The following DSTYK variants were observed in gnomAD, a reference collection of about 807,000 sequenced individuals.
The protein encoded by DSTYK is RIP-homologous kinase.
In DSTYK, 34 loss-of-function variants were observed where a neutral mutation model predicts 98.7. The observed-to-expected ratio is 0.34, with a 90% CI of 0.26 to 0.46. The LOEUF (loss-of-function observed/expected upper bound fraction) is 0.46. DSTYK is among the 20% of genes least tolerant of loss of function. DSTYK has a pLI of 1.00. For missense variants in DSTYK, 962 were observed against 1,181.7 expected (o/e 0.81, Z 2.73); for synonymous variants, 462 against 457.3 (o/e 1.01, Z -0.13).
chr1:205,175,444 C>G (rs1025791906), intron 2 of DSTYK, among the ~76,000 whole-genome samples: 8 of 152,164 alleles, frequency 5.3e-5, no homozygotes, highest in East Asian at 3.9e-4. Context: ...GGATAGAAAA[C>G]AGGTATCATG....
rs1182429200 is a variant in DSTYK at position 205,150,644 on chromosome 1, C to A, written c.2467+36G>T. On this transcript the variant is annotated intron_variant, in intron 11 of 12. Coordinates refer to ENST00000367162, the MANE Select transcript of DSTYK (RefSeq NM_015375.3). The surrounding 1 kb of genome is among the most constrained non-coding windows in gnomAD (Gnocchi z 4.1). ...TAGCACTCAGGATTAAAGTAGTACG[C>A]CCTGCCCAGACCCACTGCCTGCCCT... is the stretch of plus-strand genomic sequence containing the variant. The A allele has an allele frequency of 6.5e-7, 1 of 1,528,952 alleles. No homozygotes were observed. The highest frequency in any genetic ancestry group is 9.1e-7 in the Non-Finnish European group (1 of 1,104,792). The allele number at this position is 1,528,952 out of a possible 1,614,324, so 94.7% of individuals were successfully genotyped here.
chr1:205,159,689 A>G lies in DSTYK; in HGVS notation c.2106-10T>C. The stretch of plus-strand genomic sequence containing the variant: ...ATGCTTCGGCAGAGACCTGGAGGGA[A>G]GGAGAGAGATCTGGGCTACAAGGCT... On this transcript the variant is annotated splice_polypyrimidine_tract_variant and intron_variant, in intron 8 of 12. Coordinates refer to ENST00000367162, the MANE Select transcript of DSTYK (RefSeq NM_015375.3). 6.2e-7 allele frequency: 1 copy of G among 1,612,760 alleles called. No individual in the cohort carries two copies. The highest frequency in any genetic ancestry group is 1.3e-5 in the African/African-American group (1 of 75,002).
chr1:205,163,605 C>T (rs1033362211), intron 4 of DSTYK, 118 bp downstream of exon 4: 46 of 869,468 alleles, frequency 5.3e-5, no homozygotes, highest in Non-Finnish European at 7.5e-5. Context: ...AAATAAAATT[C>T]AAACAAGATT....
At position 205,150,729 on chromosome 1, in the gene DSTYK, T is replaced by A. The variant is rs775389974; in HGVS notation, c.2418A>T (p.Ser806=). The A allele has an allele frequency of 1.2e-6, 2 of 1,614,112 alleles. No homozygotes were observed. The highest frequency in any genetic ancestry group is 2.2e-5 in the South Asian group (2 of 91,078). Residue 806 remains serine, a synonymous_variant, in exon 11 of 13, where the codon TCA becomes TCT. Transcript: ENST00000367162. The surrounding 1 kb of genome is among the most constrained non-coding windows in gnomAD (Gnocchi z 4.1). The part of the protein sequence containing the change: ...LGFCKPEAMM[S]GSIVGTPIHM... ...GGATTGGTGTCCCCACAATGCTGCC[T>A]GACATCATGGCCTCTGGCTTGCAGA...
intron 10 of DSTYK, among the ~76,000 whole-genome samples, chr1:205,156,964 G>T (rs181177356): frequency 6.6e-6 from 1 of 152,162 alleles, no homozygotes; most frequent in African/African-American, 2.4e-5. Context: ...TTTTGTAAGG[G>T]GCTTTACCCC....
chr1:205,162,729 A>G (rs1189962303), intron 5 of DSTYK, among the ~76,000 whole-genome samples, 194 bp downstream of exon 5: 4 of 152,240 alleles, frequency 2.6e-5, no homozygotes, highest in African/African-American at 9.6e-5. Context: ...AAAACTTCTG[A>G]GAGTTCAAGG....
chr1:205,157,451 A>G lies in DSTYK; in HGVS notation c.2239-65T>C. 3 of 1,288,902 alleles carry G rather than the reference A, an allele frequency of 2.3e-6. No homozygotes were observed. In the East Asian group the frequency reaches 7.0e-5, roughly 30 times the overall value. 79.8% of individuals were successfully genotyped at this position (1,288,902 alleles called of 1,614,324 possible). ...ACTCCTCAATTCAACTGACTATACT[A>G]GGGCACATGAGGACAGAAAAGTGAT... On this transcript the variant is annotated intron_variant, in intron 9 of 12. Coordinates refer to ENST00000367162, the MANE Select transcript of DSTYK (RefSeq NM_015375.3).
Position 205,181,860 on chromosome 1 carries a change from G to C in DSTYK, c.654+5558C>G, listed in dbSNP as rs182184030. 4.1e-4 allele frequency among the ~76,000 whole-genome samples: 63 copies of C among 151,904 alleles called. 1 individual carries two copies. The East Asian group carries it at 0.012, about 28-fold the overall frequency. ...CCACACCTGGCTAATTTTTTGTAGA[G>C]ACGAGGTCTCACTTTGTTGCCCAGT... On this transcript the variant is annotated intron_variant, in intron 2 of 12. Transcript: ENST00000367162.
intron 10 of DSTYK, among the ~76,000 whole-genome samples, chr1:205,152,760 G>T (rs1489620424): frequency 6.6e-6 from 1 of 152,024 alleles, no homozygotes; most frequent in Non-Finnish European, 1.5e-5. Flanking sequence ...CCCTTTGAGG[G>T]TCATGTCAGT....
At chr1:205,206,263 G>T (rs566961393) in intron 1 of DSTYK, among the ~76,000 whole-genome samples, 62 of 150,100 alleles carry the variant, frequency 4.1e-4, no homozygotes, top group African/African-American at 9.3e-4. Context: ...GCAGGCACTG[G>T]TTTTTTTTGG....
intron 10 of DSTYK, among the ~76,000 whole-genome samples, chr1:205,155,425 T>C (rs1362668175): frequency 2.0e-5 from 3 of 151,830 alleles, no homozygotes; most frequent in Non-Finnish European, 2.9e-5. Context: ...TTCCAGCACT[T>C]TGGGAGGCCG....
intron 2 of DSTYK, among the ~76,000 whole-genome samples, chr1:205,174,513 CA>C (rs1161752883): frequency 0.27 from 25,711 of 97,004 alleles, 3,248 homozygotes; most frequent in East Asian, 0.49. Flanking sequence ...ACTCCGTCTC[CA>C]AAAAAAAAAA....
intron 4 of DSTYK, 140 bp from the exon 5 acceptor site, chr1:205,163,146 T>G: frequency 1.5e-6 from 1 of 681,544 alleles, no homozygotes; most frequent in South Asian, 1.7e-5. Context: ...CAGAGTCAAC[T>G]TAAGCTGATT....
intron 8 of DSTYK, 88 bp downstream of exon 8, chr1:205,160,026 T>C: frequency 1.4e-6 from 2 of 1,474,132 alleles, no homozygotes; most frequent in Non-Finnish European, 1.9e-6. Context: ...AGAGAGGCCA[T>C]GCTGTAGCTC....
intron 2 of DSTYK, among the ~76,000 whole-genome samples, chr1:205,177,352 C>T (rs1303870733): frequency 6.6e-6 from 1 of 152,182 alleles, no homozygotes; most frequent in African/African-American, 2.4e-5. Context: ...TTGTCCTGCC[C>T]TTGGACAGCC....
At position 205,169,935 on chromosome 1, in the gene DSTYK, C is replaced by A; in HGVS notation, c.655-103G>T. On this transcript the variant is annotated intron_variant, in intron 2 of 12. Transcript: ENST00000367162. This position sits in a 1 kb window ranked among gnomAD's most constrained non-coding sequence, Gnocchi z 4.0. ...ACCAAAATCCTGATCTACAATGGAA[C>A]AATTGGACTTCGGTACCCCAGCCAT... 1 of 1,128,402 alleles carries A rather than the reference C, an allele frequency of 8.9e-7. No homozygotes were observed. The highest frequency in any genetic ancestry group is 1.2e-6 in the Non-Finnish European group (1 of 809,058). 69.9% of individuals were successfully genotyped at this position (1,128,402 alleles called of 1,614,324 possible). A position where few individuals can be genotyped will look rare whatever the true frequency, so the allele number is the denominator to read the frequency against.
chr1:205,149,917 C>T (rs1657354195), intron 11 of DSTYK, among the ~76,000 whole-genome samples: 1 of 152,108 alleles, frequency 6.6e-6, no homozygotes, highest in African/African-American at 2.4e-5. Context: ...ATTTTCTCTC[C>T]TTCATGCTAC....
intron 1 of DSTYK, among the ~76,000 whole-genome samples, chr1:205,201,911 T>C (rs1326690744): frequency 2.0e-5 from 3 of 151,986 alleles, no homozygotes; most frequent in Non-Finnish European, 4.4e-5. Context: ...AATACAAAAT[T>C]AGCCGGTCGT....
At position 205,161,296 on chromosome 1, in the gene DSTYK, G is replaced by C. The variant is rs1466513242; in HGVS notation, c.1910C>G (p.Ser637Cys). 1.9e-6 allele frequency: 3 copies of C among 1,614,144 alleles called. No homozygotes were observed. The highest frequency in any genetic ancestry group is 1.3e-5 in the African/African-American group (1 of 75,044). The part of the protein sequence containing the change: ...KDHAPRLARL[S>C]LESCSLQDVL... Reference sequence around the variant, plus strand: ...ATCCTGTAAAGAACAGCTTTCCAGAGAAAGGCGGGCCAGGCGGGGAGCATG... The same window carrying C: ...ATCCTGTAAAGAACAGCTTTCCAGACAAAGGCGGGCCAGGCGGGGAGCATG... Residue 637 changes from serine to cysteine, a missense_variant, in exon 7 of 13, where the codon TCT becomes TGT. Around this residue, in one of 4 missense-constraint regions of DSTYK, gnomAD observed 660 missense variants for 855.0 expected, o/e 0.77. Transcript: ENST00000367162.
Sources: allele counts gnomAD v4.1 joint callset (sites outside exome capture counted in the v4.1 genomes callset), GRCh38; gene constraint gnomAD v4.1.1; regional missense constraint gnomAD v4.1.1; non-coding constraint Gnocchi (gnomAD v3.1); transcripts MANE v1.5; gene names NCBI Gene and HGNC (gene_info 2026-07-23, HGNC 2026-07-21).